SEMA3E: variants seen among roughly 807,000 people sequenced by gnomAD.
SEMA3E encodes semaphorin 3E.
A neutral mutation model predicts 93.6 loss-of-function variants in SEMA3E; 49 were observed. That is an observed-to-expected ratio of 0.52 (90% CI 0.42 to 0.66). SEMA3E has a LOEUF of 0.66. Ranked by LOEUF, SEMA3E falls within the 30% of genes least tolerant of loss-of-function variation. The probability of loss-of-function intolerance (pLI) is 0.00; values close to 1 mark genes in which losing one functional copy is unlikely to be tolerated. For synonymous variants in SEMA3E, 363 were observed against 330.7 expected, an observed-to-expected ratio of 1.10 and a Z score of -1.06; for missense variants, 906 against 964.8, an observed-to-expected ratio of 0.94 and a Z score of 0.81.
rs1793795339 is a variant in SEMA3E, at chr7:83,632,025, CGTGCCT to C, written c.115+16397_115+16402del. Among the ~76,000 whole-genome samples, 6 of 151,904 alleles carry C rather than the reference CGTGCCT, an allele frequency of 3.9e-5. No homozygotes were observed. In the South Asian group the frequency reaches 1.3e-3, roughly 32 times the overall value. ...ACAAAATTAGCCGGGCATGGTGGTA[CGTGCCT>C]GTAATCCTGGCTAGTCAGGAGGTTG... On this transcript the variant is annotated intron_variant, in intron 1 of 16. Transcript: ENST00000643230.
intron 6 of SEMA3E, among the ~76,000 whole-genome samples, chr7:83,407,864 A>T (rs1456131385): frequency 6.6e-6 from 1 of 152,164 alleles, no homozygotes; most frequent in Non-Finnish European, 1.5e-5. Flanking sequence ...AATGCTCACC[A>T]TAAAACAATA....
intron 1 of SEMA3E, among the ~76,000 whole-genome samples, chr7:83,498,056 C>T (rs956123727): frequency 2.1e-4 from 32 of 149,762 alleles, no homozygotes; most frequent in Admixed American, 2.0e-3. Flanking sequence ...ACTACTTCTA[C>T]TTAATAAATA....
chr7:83,585,482 G>C lies in SEMA3E; in HGVS notation c.115+62946C>G, dbSNP rs577301344. ...GATTGAATGCCGTTTATGCCAGAAT[G>C]TGGAGATTTGTATTTATGAGTATTA... On this transcript the variant is annotated intron_variant, in intron 1 of 16. Transcript: ENST00000643230. 3.9e-5 allele frequency among the ~76,000 whole-genome samples: 6 copies of C among 152,268 alleles called. No individual in the cohort carries two copies. In the East Asian group the frequency reaches 1.2e-3, roughly 29 times the overall value.
intron 1 of SEMA3E, among the ~76,000 whole-genome samples, chr7:83,565,143 C>G (rs1336473887): frequency 1.3e-5 from 2 of 151,900 alleles, no homozygotes; most frequent in Admixed American, 6.6e-5. Flanking sequence ...AAGACTAAAC[C>G]AAGAAGAAGT....
chr7:83,587,413 C>T (rs1326136371), intron 1 of SEMA3E, among the ~76,000 whole-genome samples: 1 of 151,986 alleles, frequency 6.6e-6, no homozygotes, highest in East Asian at 1.9e-4. Context: ...GATAAGCGTC[C>T]CTCATTATTT....
At chr7:83,639,128 A>AAAAC (rs1562866015) in intron 1 of SEMA3E, among the ~76,000 whole-genome samples, 14 of 141,366 alleles carry the variant, frequency 9.9e-5, no homozygotes, top group African/African-American at 2.9e-4. Flanking sequence ...AAAAAAAAAA[A>AAAAC]AAAAAAAAAA....
At chr7:83,516,965 A>ATATATAT (rs1186465005) in intron 1 of SEMA3E, among the ~76,000 whole-genome samples, 18 of 149,910 alleles carry the variant, frequency 1.2e-4, no homozygotes, top group Non-Finnish European at 2.7e-4. Flanking sequence ...ATATGTATAT[A>ATATATAT]AAATATAGAA....
intron 9 of SEMA3E, 25 bp from the exon 10 acceptor site, chr7:83,402,801 ATTC>A: frequency 6.2e-7 from 1 of 1,602,338 alleles, no homozygotes; most frequent in South Asian, 1.1e-5. Context: ...AAAGATAATT[ATTC>A]TTCTGGAACT....
At chr7:83,479,893 A>G (rs1347064020) in intron 2 of SEMA3E, among the ~76,000 whole-genome samples, 1 of 152,114 alleles carries the variant, frequency 6.6e-6, no homozygotes, top group Non-Finnish European at 1.5e-5. Flanking sequence ...TGTTGGCTTC[A>G]ATTGTTAAAC....
Position 83,563,485 on chromosome 7 carries a change from ACAGCAGCAG to A in SEMA3E, c.116-73220_116-73212del, listed in dbSNP as rs368994206. Among the ~76,000 whole-genome samples the A allele has an allele frequency of 6.2e-3, 949 of 152,034 alleles. 7 individuals are homozygous for A. The highest frequency in any genetic ancestry group is 9.5e-3 in the Non-Finnish European group (648 of 67,958). On this transcript the variant is annotated intron_variant, in intron 1 of 16. Transcript: ENST00000643230. ...CTCACAGGTGGTCTCTGGACCAGCA[ACAGCAGCAG>A]CAGCAGCAGCAGCTAGGGATTTATT...
At chr7:83,569,684 A>T (rs1207206317) in intron 1 of SEMA3E, among the ~76,000 whole-genome samples, 1 of 152,200 alleles carries the variant, frequency 6.6e-6, no homozygotes, top group Non-Finnish European at 1.5e-5. Flanking sequence ...CGAATACATA[A>T]CTCTTCTAAA....
chr7:83,389,959 GTGTATACGTATACACATA>G (rs1787967350), intron 14 of SEMA3E, among the ~76,000 whole-genome samples: 1 of 90,258 alleles, frequency 1.1e-5, no homozygotes, highest in Middle Eastern at 7.9e-3. Context: ...TATGTGTATA[GTGTATACGTATACACATA>G]TATACGCGTA....
At chr7:83,637,665 G>A (rs1793907127) in intron 1 of SEMA3E, among the ~76,000 whole-genome samples, 1 of 152,066 alleles carries the variant, frequency 6.6e-6, no homozygotes, top group Non-Finnish European at 1.5e-5. Context: ...GCTGCCATAT[G>A]AGGAAGGATG....
Position 83,363,832 on chromosome 7 carries a change from T to C in SEMA3E, c.*3754A>G, listed in dbSNP as rs534822777. The C allele has an allele frequency of 2.6e-5, 4 of 151,526 alleles. No homozygotes were observed. The South Asian group carries it at 8.3e-4, about 32-fold the overall frequency. 9.4% of individuals were successfully genotyped at this position (151,526 alleles called of 1,614,324 possible). ...CTAAGTACTTTTCTTAATATGTTTA[T>C]TAGGCTACAGGTGTCACAGGTCAAT... On this transcript the variant is annotated 3_prime_UTR_variant, in exon 17 of 17. Coordinates refer to ENST00000643230, the MANE Select transcript of SEMA3E (RefSeq NM_012431.3).
intron 4 of SEMA3E, among the ~76,000 whole-genome samples, chr7:83,455,705 A>C (rs546436283): frequency 1.3e-5 from 2 of 152,356 alleles, no homozygotes; most frequent in South Asian, 4.1e-4. Context: ...ATTCCCTCTT[A>C]GTAAACTGAA....
At chr7:83,404,532 C>A (rs1393542462) in intron 9 of SEMA3E, among the ~76,000 whole-genome samples, 2 of 151,894 alleles carry the variant, frequency 1.3e-5, no homozygotes, top group Non-Finnish European at 2.9e-5. Context: ...TGGAAAGATA[C>A]TCAGGAAATT....
At chr7:83,406,823 T>A (rs1235465445) in intron 7 of SEMA3E, among the ~76,000 whole-genome samples, 1 of 152,110 alleles carries the variant, frequency 6.6e-6, no homozygotes, top group East Asian at 1.9e-4. Context: ...AAAAATAAAG[T>A]TCAAATTTCT....
At chr7:83,500,936 G>GT (rs1199676846) in intron 1 of SEMA3E, among the ~76,000 whole-genome samples, 2 of 152,002 alleles carry the variant, frequency 1.3e-5, no homozygotes. Flanking sequence ...ATTGTCTGTG[G>GT]TAACAAAGCT....
rs1584194519 is a variant in SEMA3E, at chr7:83,367,356, CATA to C, written c.*227_*229del. The C allele has an allele frequency of 1.4e-5, 7 of 491,100 alleles. No individual in the cohort carries two copies. The East Asian group carries it at 1.8e-4, about 13-fold the overall frequency. The allele number at this position is 491,100 out of a possible 1,614,324, so 30.4% of individuals were successfully genotyped here. ...ACAGCTACAGTTGTTTTTTGATAAA[CATA>C]ATGAGAAACCATTAAGCAATGCATT... On this transcript the variant is annotated 3_prime_UTR_variant, in exon 17 of 17. Coordinates refer to ENST00000643230, the MANE Select transcript of SEMA3E (RefSeq NM_012431.3).
Sources: allele counts gnomAD v4.1 joint callset (sites outside exome capture counted in the v4.1 genomes callset), GRCh38; gene constraint gnomAD v4.1.1; transcripts MANE v1.5; gene names NCBI Gene and HGNC (gene_info 2026-07-23, HGNC 2026-07-21).